SRGAP3: variants seen among roughly 807,000 people sequenced by gnomAD.
The protein encoded by SRGAP3 is SLIT-ROBO Rho GTPase activating protein 3.
SRGAP3 carries 39 observed loss-of-function variants against 121.1 expected under a neutral mutation model. That is an observed-to-expected ratio of 0.32 (90% CI 0.25 to 0.42). The LOEUF (loss-of-function observed/expected upper bound fraction) is 0.42. Ranked by LOEUF, SRGAP3 falls within the 10% of genes least tolerant of loss-of-function variation. The probability of loss-of-function intolerance (pLI) is 1.00; values close to 1 mark genes in which losing one functional copy is unlikely to be tolerated. For synonymous variants in SRGAP3, 601 were observed against 570.0 expected, an observed-to-expected ratio of 1.05 and a Z score of -0.77; for missense variants, 1,213 against 1,470.6, an observed-to-expected ratio of 0.82 and a Z score of 2.86.
chr3:9,285,393 GC>G (rs1574971794), intron 3 of SRGAP3, among the ~76,000 whole-genome samples: 1 of 152,126 alleles, frequency 6.6e-6, no homozygotes, highest in Non-Finnish European at 1.5e-5. Context: ...CTCTGACCCC[GC>G]TTTTCTCTTC....
intron 18 of SRGAP3, among the ~76,000 whole-genome samples, chr3:8,995,920 G>C (rs1942372770): frequency 6.6e-6 from 1 of 152,188 alleles, no homozygotes. Context: ...CTAGCCTGTA[G>C]ATAGCTTCTC....
At chr3:9,178,443 T>C (rs1268891222) in intron 1 of SRGAP3, among the ~76,000 whole-genome samples, 1 of 152,290 alleles carries the variant, frequency 6.6e-6, no homozygotes, top group East Asian at 1.9e-4. Context: ...TAGGCCTTCC[T>C]ATAATCACAA....
chr3:9,030,131 G>A (rs1194249847), intron 12 of SRGAP3, among the ~76,000 whole-genome samples: 1 of 151,964 alleles, frequency 6.6e-6, no homozygotes, highest in Non-Finnish European at 1.5e-5. Context: ...CAGCCTGGGC[G>A]ACACAGCAAG....
In SRGAP3 at chr3:8,990,497, C is replaced by T. The variant is rs1941972296; in HGVS notation, c.2886+15G>A. On this transcript the variant is annotated intron_variant, in intron 21 of 21. Coordinates refer to ENST00000383836, the MANE Select transcript of SRGAP3 (RefSeq NM_014850.4). ...GGCTTTTGGCTGCCCAGCCTGCCTTCCCGCTGGCCCTTACTTCTGCCAGGG... is the reference window on the plus strand; with the variant it reads ...GGCTTTTGGCTGCCCAGCCTGCCTTTCCGCTGGCCCTTACTTCTGCCAGGG... The T allele has an allele frequency of 1.9e-6, 3 of 1,550,654 alleles. No homozygotes were observed. The highest frequency in any genetic ancestry group is 2.0e-5 in the Admixed American group (1 of 51,046).
chr3:9,297,280 C>T (rs1426041896), intron 3 of SRGAP3, among the ~76,000 whole-genome samples: 8 of 152,150 alleles, frequency 5.3e-5, no homozygotes, highest in African/African-American at 1.7e-4. Flanking sequence ...GTGTCCTCCT[C>T]CACCTTGCTA....
chr3:9,160,076 G>C (rs559708400), intron 1 of SRGAP3, among the ~76,000 whole-genome samples: 1 of 152,308 alleles, frequency 6.6e-6, no homozygotes, highest in East Asian at 1.9e-4. Context: ...TCAAATCCCA[G>C]TGTTACCACT....
At chr3:9,084,044 G>T (rs1575048150) in intron 3 of SRGAP3, among the ~76,000 whole-genome samples, 1 of 152,164 alleles carries the variant, frequency 6.6e-6, no homozygotes, top group South Asian at 2.1e-4. Flanking sequence ...CAATGCGATA[G>T]TATCTTCCTG....
intron 1 of SRGAP3, among the ~76,000 whole-genome samples, chr3:9,229,168 T>C (rs1382401878): frequency 1.3e-5 from 2 of 151,652 alleles, no homozygotes; most frequent in Non-Finnish European, 2.9e-5. Context: ...GGAAAGGTGA[T>C]ATTATGGACT....
Position 9,104,769 on chromosome 3 carries a change from C to T in SRGAP3, c.334G>A (p.Asp112Asn). Reference sequence around the variant, plus strand: ...AAGATGTCATTGAGGGTGGCATGGTCTCGGCTCTCCCGCCGGGTCTGATGC... The same window carrying T: ...AAGATGTCATTGAGGGTGGCATGGTTTCGGCTCTCCCGCCGGGTCTGATGC... ...VLHQTRRESR[D>N]HATLNDIFMN... is the part of the protein sequence containing the mutation. The change falls in exon 3 of 22, where the codon GAC becomes AAC. Residue 112 changes from aspartate (D) to asparagine (N), a missense_variant. By Grantham distance (23) the Asp-to-Asn change is conservative. Coordinates refer to ENST00000383836, the MANE Select transcript of SRGAP3 (RefSeq NM_014850.4). 1 of 1,614,246 alleles carries T rather than the reference C, an allele frequency of 6.2e-7. No individual in the cohort carries two copies. The highest frequency in any genetic ancestry group is 8.5e-7 in the Non-Finnish European group (1 of 1,180,044).
intron 4 of SRGAP3, among the ~76,000 whole-genome samples, chr3:9,075,379 G>GTA (rs1406203012): frequency 4.9e-5 from 7 of 142,554 alleles, no homozygotes; most frequent in Admixed American, 2.0e-4. Flanking sequence ...ATGCAAGTGT[G>GTA]TGTGTGTGTG....
intron 12 of SRGAP3, 93 bp downstream of exon 12, chr3:9,032,551 TGGCCAA>T: frequency 8.9e-7 from 1 of 1,128,436 alleles, no homozygotes; most frequent in Non-Finnish European, 1.3e-6. Context: ...CCACAGGGCC[TGGCCAA>T]GGACAGGGCT....
intron 3 of SRGAP3, among the ~76,000 whole-genome samples, chr3:9,083,990 A>G (rs903706255): frequency 6.6e-6 from 1 of 152,016 alleles, no homozygotes; most frequent in African/African-American, 2.4e-5. Flanking sequence ...CGCAAACTCA[A>G]ATTATCCAAA....
At chr3:9,026,810 T>C in intron 13 of SRGAP3, 125 bp downstream of exon 13, 1 of 1,053,324 alleles carries the variant, frequency 9.5e-7, no homozygotes, top group Non-Finnish European at 1.5e-6. Flanking sequence ...TGCAGTACTT[T>C]CCCCCTCCAA....
At chr3:9,264,446 T>C (rs1350548208) in intron 3 of SRGAP3, among the ~76,000 whole-genome samples, 1 of 152,228 alleles carries the variant, frequency 6.6e-6, no homozygotes, top group Non-Finnish European at 1.5e-5. Flanking sequence ...TGTTTGCAGA[T>C]GACATGATTG....
intron 1 of SRGAP3, among the ~76,000 whole-genome samples, chr3:9,351,402 C>T (rs914916600): frequency 1.4e-4 from 22 of 152,238 alleles, no homozygotes; most frequent in Admixed American, 1.3e-4. Context: ...GCTAAATATC[C>T]TTTTGCAAGT....
chr3:9,129,529 C>T (rs561526491), intron 1 of SRGAP3, among the ~76,000 whole-genome samples: 3 of 151,618 alleles, frequency 2.0e-5, no homozygotes, highest in Non-Finnish European at 4.4e-5. Context: ...AGCACTGCTC[C>T]TCCCAGGAAG....
chr3:9,048,402 C>T (rs1945392235), intron 9 of SRGAP3, among the ~76,000 whole-genome samples: 1 of 152,228 alleles, frequency 6.6e-6, no homozygotes, highest in South Asian at 2.1e-4. Context: ...AGAGTAGGTG[C>T]TGAGAAATTT....
intron 3 of SRGAP3, among the ~76,000 whole-genome samples, chr3:9,294,695 CGTGTGTGTGTGTGTGT>C (rs753452580): frequency 2.9e-4 from 35 of 119,882 alleles, no homozygotes; most frequent in African/African-American, 5.9e-4. Context: ...TTGAAGCTTT[CGTGTGTGTGTGTGTGT>C]GTGTGTGTGT....
intron 1 of SRGAP3, among the ~76,000 whole-genome samples, chr3:9,154,547 T>C (rs907576992): frequency 1.1e-4 from 17 of 151,896 alleles, no homozygotes; most frequent in African/African-American, 3.9e-4. Context: ...TTAAATTCCA[T>C]CCTTCCTTCA....
Sources: gnomAD v4.1 joint callset for allele counts (sites outside exome capture counted in the v4.1 genomes callset) on GRCh38, gnomAD v4.1.1 for gene constraint, MANE v1.5 for transcripts, NCBI Gene and HGNC (gene_info 2026-07-23, HGNC 2026-07-21) for gene names.